The following PRKN variants were observed in gnomAD, a reference collection of about 807,000 sequenced individuals.
PRKN encodes the protein E3 ubiquitin-protein ligase parkin.
A neutral mutation model predicts 59.5 loss-of-function variants in PRKN; 56 were observed. The ratio of observed to expected loss-of-function variants is 0.94; its 90% CI spans 0.76 to 1.18. PRKN has a LOEUF of 1.18. Ranked by LOEUF, PRKN falls within the 50% of genes most tolerant of loss-of-function variation. PRKN has a pLI of 0.00. For missense variants in PRKN, 657 were observed against 596.4 expected (o/e 1.10, Z -1.06); for synonymous variants, 250 against 222.1 (o/e 1.13, Z -1.12).
chr6:161,739,778 G>A (rs747985115), intron 7 of PRKN, among the ~76,000 whole-genome samples: 9 of 150,642 alleles, frequency 6.0e-5, no homozygotes, highest in Admixed American at 1.3e-4. Flanking sequence ...TTTTTGAGAC[G>A]GAGTCTTGCT....
intron 6 of PRKN, among the ~76,000 whole-genome samples, chr6:161,874,212 A>AATATAAT (rs1794519206): frequency 5.5e-5 from 2 of 36,164 alleles, no homozygotes; most frequent in African/African-American, 1.2e-4. Flanking sequence ...TTATATGTAA[A>AATATAAT]ATATAATATA....
chr6:162,574,035 C>T (rs541049922), intron 1 of PRKN, among the ~76,000 whole-genome samples: 1 of 152,250 alleles, frequency 6.6e-6, no homozygotes, highest in African/African-American at 2.4e-5. Flanking sequence ...GTGCTGAGGA[C>T]GATGCCTGTG....
chr6:162,451,896 A>T (rs1375740668), intron 1 of PRKN, among the ~76,000 whole-genome samples: 1 of 152,210 alleles, frequency 6.6e-6, no homozygotes, highest in Non-Finnish European at 1.5e-5. Flanking sequence ...AACAAATGTC[A>T]AGCAGGATAA....
chr6:161,862,499 G>A (rs1262664926), intron 6 of PRKN, among the ~76,000 whole-genome samples: 1 of 152,140 alleles, frequency 6.6e-6, no homozygotes, highest in Non-Finnish European at 1.5e-5. Flanking sequence ...TAAGTGAATA[G>A]GCACAGGAAT....
At chr6:161,426,324 G>A (rs566775563) in intron 9 of PRKN, among the ~76,000 whole-genome samples, 1 of 152,246 alleles carries the variant, frequency 6.6e-6, no homozygotes, top group Admixed American at 6.5e-5. Context: ...ATGTCTGTGA[G>A]GGTGTTGTCA....
Position 161,353,344 on chromosome 6 carries a change from C to T in PRKN, c.1286-3133G>A, listed in dbSNP as rs1474932110. 6.6e-6 allele frequency among the ~76,000 whole-genome samples: 1 copy of T among 152,124 alleles called. No homozygotes were observed. Among genetic ancestry groups the T allele is most frequent in the Non-Finnish European group, 1.5e-5 (1 of 68,024 alleles). ...GAGGAAGGAATGCTGCACAGGGAGG[C>T]CAAGAAGAATCTAGACCGGCAGGCC... On this transcript the variant is annotated intron_variant, in intron 11 of 11. Coordinates refer to ENST00000366898, the MANE Select transcript of PRKN (RefSeq NM_004562.3). This position sits in a 1 kb window ranked among gnomAD's most constrained non-coding sequence, Gnocchi z 4.8.
chr6:161,457,257 C>T lies in PRKN; in HGVS notation c.1084-70380G>A, dbSNP rs1276420933. Among the ~76,000 whole-genome samples the T allele has an allele frequency of 6.6e-6, 1 of 152,186 alleles. No individual in the cohort carries two copies. The highest frequency in any genetic ancestry group is 1.5e-5 in the Non-Finnish European group (1 of 68,034). ...CCTACACATGTGTCTCTGTTAAGCA[C>T]TTTGCAAGGAGGATGGGCAGCTGGG... is the stretch of plus-strand genomic sequence containing the variant. On this transcript the variant is annotated intron_variant, in intron 9 of 11. Transcript: ENST00000366898. The surrounding 1 kb of genome is among the most constrained non-coding windows in gnomAD (Gnocchi z 5.0).
rs930933417 is a variant in PRKN at position 161,488,757 on chromosome 6, T to C, written c.1083+60097A>G. On this transcript the variant is annotated intron_variant, in intron 9 of 11. Coordinates refer to ENST00000366898, the MANE Select transcript of PRKN (RefSeq NM_004562.3). The surrounding 1 kb of genome is among the most constrained non-coding windows in gnomAD (Gnocchi z 4.5). The stretch of plus-strand genomic sequence containing the variant: ...ACCTTGGCCTCCTGAAGTGTTGGGA[T>C]TACAGGCGTAAGCCACCACACCTGG... 6.6e-6 allele frequency among the ~76,000 whole-genome samples: 1 copy of C among 151,948 alleles called. No homozygotes were observed. Among genetic ancestry groups the C allele is most frequent in the African/African-American group, 2.4e-5 (1 of 41,366 alleles).
chr6:162,341,688 A>G (rs1784186370), intron 2 of PRKN, among the ~76,000 whole-genome samples: 2 of 152,078 alleles, frequency 1.3e-5, no homozygotes, highest in South Asian at 2.1e-4. Context: ...GTTCCCACTC[A>G]TAAGTGGGAG....
chr6:162,364,979 C>CTCT (rs1267077015), intron 2 of PRKN, among the ~76,000 whole-genome samples: 2 of 126,808 alleles, frequency 1.6e-5, no homozygotes, highest in Non-Finnish European at 3.3e-5. Flanking sequence ...CTCTCTCTCT[C>CTCT]TTTTTTTTTT....
chr6:161,350,935 AT>A (rs1289098639), intron 11 of PRKN, among the ~76,000 whole-genome samples: 20 of 84,844 alleles, frequency 2.4e-4, no homozygotes, highest in Non-Finnish European at 3.3e-4. Flanking sequence ...TAAAATATAT[AT>A]AAATATATTT....
rs531746018 is a variant in PRKN at position 161,998,184 on chromosome 6, T to A, written c.619-24767A>T. The stretch of plus-strand genomic sequence containing the variant: ...TAAGATTTAGTGAGGAAGCAGTAAC[T>A]ATATCACTTTTGGATAGTCTATGAA... On this transcript the variant is annotated intron_variant, in intron 5 of 11. Coordinates refer to ENST00000366898, the MANE Select transcript of PRKN (RefSeq NM_004562.3). 3.9e-5 allele frequency among the ~76,000 whole-genome samples: 6 copies of A among 152,240 alleles called. No homozygotes were observed. The East Asian group carries it at 1.2e-3, about 29-fold the overall frequency.
chr6:161,557,911 C>T (rs6921987), intron 8 of PRKN, among the ~76,000 whole-genome samples: 59,411 of 151,868 alleles, frequency 0.39, 11,808 homozygotes, highest in East Asian at 0.62. Context: ...TCCTTTGCTT[C>T]CCCACACCAC....
At chr6:162,459,162 T>C (rs1791044781) in intron 1 of PRKN, among the ~76,000 whole-genome samples, 1 of 152,084 alleles carries the variant, frequency 6.6e-6, no homozygotes, top group Non-Finnish European at 1.5e-5. Flanking sequence ...AATTACTGAT[T>C]CATGCATTAA....
chr6:162,607,524 G>A (rs573288001), intron 1 of PRKN, among the ~76,000 whole-genome samples: 14 of 151,538 alleles, frequency 9.2e-5, no homozygotes, highest in Admixed American at 4.0e-4. Context: ...TTTCCAAAGA[G>A]AGAGAGAAAT....
chr6:161,699,833 A>G (rs1786177898), intron 7 of PRKN, among the ~76,000 whole-genome samples: 1 of 152,190 alleles, frequency 6.6e-6, no homozygotes, highest in Non-Finnish European at 1.5e-5. Context: ...AACAACATGT[A>G]TCAGACTGTA....
At chr6:162,052,027 CTG>C (rs1227127935) in intron 5 of PRKN, among the ~76,000 whole-genome samples, 1 of 152,190 alleles carries the variant, frequency 6.6e-6, no homozygotes, top group Non-Finnish European at 1.5e-5. Flanking sequence ...CCAGGAATGA[CTG>C]TGTTATTAGA....
intron 6 of PRKN, among the ~76,000 whole-genome samples, chr6:161,941,517 C>T (rs186414714): frequency 7.2e-5 from 11 of 152,284 alleles, no homozygotes; most frequent in African/African-American, 2.4e-4. Context: ...ACTTGTGATC[C>T]GATTCTTCTG....
chr6:162,468,615 G>T (rs1791552271), intron 1 of PRKN, among the ~76,000 whole-genome samples: 1 of 152,190 alleles, frequency 6.6e-6, no homozygotes, highest in Admixed American at 6.5e-5. Context: ...TGATGGGTTT[G>T]GTACTAGAGA....
Sources: gnomAD v4.1 joint callset for allele counts (sites outside exome capture counted in the v4.1 genomes callset) on GRCh38, gnomAD v4.1.1 for gene constraint, Gnocchi (gnomAD v3.1) non-coding constraint, MANE v1.5 for transcripts, NCBI Gene and HGNC (gene_info 2026-07-23, HGNC 2026-07-21) for gene names.